Variants in DST observed in about 807,000 individuals in gnomAD.
DST encodes the protein dystonin, also known as bullous pemphigoid antigen.
DST carries 253 observed loss-of-function variants against 875.2 expected under a neutral mutation model. The ratio of observed to expected loss-of-function variants is 0.29; its 90% confidence interval spans 0.26 to 0.32. The LOEUF is 0.32. Among genes scored for constraint, DST ranks in the 10% least tolerant of loss-of-function variants. The probability of loss-of-function intolerance (pLI) is 1.00; values close to 1 mark genes in which losing one functional copy is unlikely to be tolerated. For missense variants in DST, 8,287 were observed against 9,111.6 expected (o/e 0.91, Z 3.68); for synonymous variants, 3,124 against 3,197.1 (o/e 0.98, Z 0.77).
At chr6:56,945,481 T>C (rs1006360376) in intron 2 of DST, among the ~76,000 whole-genome samples, 19 of 152,198 alleles carry the variant, frequency 1.2e-4, no homozygotes, top group Admixed American at 6.5e-5. Context: ...ATGCATAAGA[T>C]GTGGTAAAAG....
Position 56,593,932 on chromosome 6 carries a change from A to C in DST, c.12457T>G (p.Ser4153Ala). 1 of 1,613,712 alleles carries C rather than the reference A, an allele frequency of 6.2e-7. No individual in the cohort carries two copies. Among genetic ancestry groups the C allele is most frequent in the Non-Finnish European group, 8.5e-7 (1 of 1,179,736 alleles). ...YTEFEHWLQQ[S>A]EQELENLEAG... ...TCCAGGTTTTCAAGTTCTTGTTCTG[A>C]CTGCTGTAGCCAGTGCTCAAACTCG... The change falls in exon 48 of 104, where the codon TCA becomes GCA. Residue 4153 changes from serine to alanine, a missense_variant. Ser to Ala is a moderately conservative substitution (Grantham distance 99). Around this residue, in one of 10 missense-constraint regions of DST, gnomAD observed 1,513 missense variants for 1,677.8 expected, o/e 0.90. Transcript: ENST00000680361.
chr6:56,471,931 G>T, intron 94 of DST, 128 bp downstream of exon 94: 1 of 923,354 alleles, frequency 1.1e-6, no homozygotes, highest in Non-Finnish European at 1.8e-6. Flanking sequence ...ATTTAAAAAT[G>T]TACTCAAATA....
At chr6:56,871,777 A>T (rs1777241590) in intron 3 of DST, 17 of 113,914 alleles carry the variant, frequency 1.5e-4, no homozygotes, top group East Asian at 5.7e-4. Flanking sequence ...AATTAAAAGT[A>T]AAAAAAAAAA....
Position 56,553,555 on chromosome 6 carries a change from C to A in DST, c.15237G>T (p.Glu5079Asp). The change falls in exon 61 of 104, where the codon GAG becomes GAT. Residue 5079 changes from glutamate to aspartate, a missense_variant. Physicochemically the swap from Glu to Asp is conservative, Grantham distance 45 (BLOSUM62 2). Transcript: ENST00000680361. ...CAGATATTGGATGAGATTTGTTTTG[C>A]TCTTCTTTCTTTGTATCCAGCCAAG... The part of the protein sequence containing the change: ...FQAWLDTKKE[E>D]QNKSHPISAK... The A allele has an allele frequency of 1.2e-6, 2 of 1,613,898 alleles. No homozygotes were observed. The highest frequency in any genetic ancestry group is 1.7e-6 in the Non-Finnish European group (2 of 1,179,878).
At chr6:56,752,764 T>A (rs370046094) in intron 4 of DST, among the ~76,000 whole-genome samples, 3 of 152,220 alleles carry the variant, frequency 2.0e-5, no homozygotes, top group East Asian at 1.9e-4. Context: ...GCAGTTTGTA[T>A]TACTATAAAC....
chr6:56,494,108 C>A lies in DST; in HGVS notation c.20296G>T (p.Ala6766Ser). The change falls in exon 83 of 104, where the codon GCA becomes TCA. Residue 6766 changes from alanine (A) to serine (S), a missense_variant. By Grantham distance (99) the Ala-to-Ser change is moderately conservative. Coordinates refer to ENST00000680361, the MANE Select transcript of DST (RefSeq NM_001374736.1). ...SLMQKGQQML[A>S]RCPKSAETNI... ...GTCTCTGCAGATTTTGGGCATCTTGCAAGCATCTGCTGGCCTTTCTGCATC... is the reference window on the plus strand; with the variant it reads ...GTCTCTGCAGATTTTGGGCATCTTGAAAGCATCTGCTGGCCTTTCTGCATC... 6.2e-7 allele frequency: 1 copy of A among 1,611,538 alleles called. No homozygotes were observed. The highest frequency in any genetic ancestry group is 8.5e-7 in the Non-Finnish European group (1 of 1,178,364).
intron 4 of DST, among the ~76,000 whole-genome samples, chr6:56,850,220 C>T (rs1764372909): frequency 6.6e-6 from 1 of 152,168 alleles, no homozygotes; most frequent in Non-Finnish European, 1.5e-5. Context: ...AAGCTCAAGG[C>T]TGTTGCCCCA....
At chr6:56,540,062 G>A (rs1224274014) in intron 61 of DST, among the ~76,000 whole-genome samples, 2 of 152,272 alleles carry the variant, frequency 1.3e-5, no homozygotes, top group Middle Eastern at 3.4e-3. Flanking sequence ...GAACAGCTGG[G>A]AATATCAATT....
chr6:56,597,103 G>A (rs1298460705), intron 47 of DST, among the ~76,000 whole-genome samples: 1 of 152,116 alleles, frequency 6.6e-6, no homozygotes, highest in Non-Finnish European at 1.5e-5. Flanking sequence ...AGCCAGGCAT[G>A]GCAGCACAGA....
intron 4 of DST, among the ~76,000 whole-genome samples, chr6:56,838,733 T>C (rs74379576): frequency 3.9e-5 from 6 of 152,344 alleles, no homozygotes; most frequent in Non-Finnish European, 7.3e-5. Flanking sequence ...TCTGAACTCA[T>C]ATACACTCCT....
intron 9 of DST, among the ~76,000 whole-genome samples, chr6:56,672,129 G>A (rs1413054001): frequency 1.3e-5 from 2 of 152,204 alleles, no homozygotes; most frequent in African/African-American, 4.8e-5. Flanking sequence ...CAGACAGGAA[G>A]CCCTTTATTC....
rs946001052 is a variant in DST, at chr6:56,506,351, G to A, written c.19464+92C>T. ...ATTTGCCCACAATTGCATATGCACT[G>A]GCAGATCTTGAGGTGGTGCCAATAT... On this transcript the variant is annotated intron_variant, in intron 77 of 103. Transcript: ENST00000680361. 6.1e-6 allele frequency: 6 copies of A among 977,204 alleles called. No individual in the cohort carries two copies. The African/African-American group carries it at 8.2e-5, about 13-fold the overall frequency. The allele number at this position is 977,204 out of a possible 1,614,324, so 60.5% of individuals were successfully genotyped here. A position where few individuals can be genotyped will look rare whatever the true frequency, so the allele number is the denominator to read the frequency against.
At chr6:56,538,484 C>CA (rs770526344) in intron 61 of DST, among the ~76,000 whole-genome samples, 5 of 152,010 alleles carry the variant, frequency 3.3e-5, no homozygotes, top group Non-Finnish European at 7.4e-5. Context: ...AATAAAGGCA[C>CA]ATATTAAAAT....
At chr6:56,704,485 C>A (rs2099324882) in intron 5 of DST, 116 bp from the exon 6 acceptor site, 3 of 526,846 alleles carry the variant, frequency 5.7e-6, no homozygotes, top group Middle Eastern at 2.8e-4. Flanking sequence ...ATTCATGCAC[C>A]TATTTTTAAA....
At chr6:56,904,796 C>T (rs905048081) in intron 2 of DST, among the ~76,000 whole-genome samples, 5 of 152,058 alleles carry the variant, frequency 3.3e-5, no homozygotes, top group African/African-American at 7.2e-5. Context: ...ATAAGAGTTA[C>T]TCTTTTTCTT....
intron 4 of DST, chr6:56,742,369 TA>T: frequency 7.8e-7 from 1 of 1,289,480 alleles, no homozygotes; most frequent in Non-Finnish European, 1.0e-6. Context: ...AGCAGTTCCC[TA>T]AACTCTCTCC....
intron 61 of DST, among the ~76,000 whole-genome samples, chr6:56,539,277 T>C (rs1273073316): frequency 1.3e-5 from 2 of 152,164 alleles, no homozygotes; most frequent in South Asian, 4.1e-4. Context: ...AAAAGATAAC[T>C]ACTAAAGAGT....
chr6:56,558,525 C>T (rs2097468858), intron 58 of DST, among the ~76,000 whole-genome samples: 4 of 152,062 alleles, frequency 2.6e-5, no homozygotes, highest in Non-Finnish European at 5.9e-5. Flanking sequence ...CCCAGGAGCA[C>T]ACTTGGAGAA....
chr6:56,722,338 CT>C (rs971556673), intron 5 of DST, among the ~76,000 whole-genome samples: 6 of 151,332 alleles, frequency 4.0e-5, no homozygotes, highest in Non-Finnish European at 8.8e-5. Flanking sequence ...TTACCTTGTT[CT>C]TTTTTGACAA....
Sources: allele counts gnomAD v4.1 joint callset (sites outside exome capture counted in the v4.1 genomes callset), GRCh38; gene constraint gnomAD v4.1.1; regional missense constraint gnomAD v4.1.1; transcripts MANE v1.5; gene names NCBI Gene and HGNC (gene_info 2026-07-23, HGNC 2026-07-21).